Variants in LRSAM1 observed in about 807,000 individuals in gnomAD.
LRSAM1 encodes leucine rich repeat and sterile alpha motif containing 1, also known as E3 ubiquitin-protein ligase LRSAM1.
In LRSAM1, 96 loss-of-function variants were observed where a neutral mutation model predicts 118.1. That is an observed-to-expected ratio of 0.81 (90% CI 0.69 to 0.96). The LOEUF (loss-of-function observed/expected upper bound fraction) is 0.96, where lower values mean the gene tolerates loss of function less well. Ranked by LOEUF, LRSAM1 falls within the 40% of genes least tolerant of loss-of-function variation. The pLI, the probability that LRSAM1 is intolerant of heterozygous loss-of-function variation, is 0.00. For synonymous variants in LRSAM1, 322 were observed against 364.2 expected (o/e 0.88, Z 1.32); for missense variants, 804 against 915.5 (o/e 0.88, Z 1.57).
chr9:127,483,796 A>G (rs1015969089), intron 16 of LRSAM1, among the ~76,000 whole-genome samples: 2 of 152,016 alleles, frequency 1.3e-5, no homozygotes, highest in African/African-American at 4.8e-5. Context: ...CCGAGTAGCT[A>G]GGATCACAGA....
intron 24 of LRSAM1, 88 bp from the exon 25 acceptor site, chr9:127,500,922 A>G: frequency 1.3e-6 from 2 of 1,594,072 alleles, no homozygotes; most frequent in Non-Finnish European, 1.7e-6. Flanking sequence ...CTCACTCACC[A>G]TGGGGATGGG....
chr9:127,498,747 G>A (rs564786472), intron 24 of LRSAM1, among the ~76,000 whole-genome samples: 18 of 152,228 alleles, frequency 1.2e-4, no homozygotes, highest in African/African-American at 3.1e-4. Context: ...CCCAGAAATC[G>A]GTATACTTTA....
chr9:127,461,435 G>T (rs2132011601), intron 8 of LRSAM1, among the ~76,000 whole-genome samples, 178 bp downstream of exon 8: 1 of 152,340 alleles, frequency 6.6e-6, no homozygotes, highest in Non-Finnish European at 1.5e-5. Context: ...CCAGAGACAG[G>T]CTGTCTGGAG....
chr9:127,462,136 C>T (rs1834770321), intron 8 of LRSAM1, 116 bp from the exon 9 acceptor site: 8 of 1,460,884 alleles, frequency 5.5e-6, no homozygotes, highest in Non-Finnish European at 7.5e-6. Context: ...TAGGAAACCT[C>T]AGAGCCCAGG....
At chr9:127,470,127 A>G (rs553891721) in intron 10 of LRSAM1, among the ~76,000 whole-genome samples, 20 of 152,204 alleles carry the variant, frequency 1.3e-4, no homozygotes, top group Admixed American at 3.3e-4. Flanking sequence ...CAAATATCCT[A>G]TGGCCCATGA....
intron 25 of LRSAM1, among the ~76,000 whole-genome samples, chr9:127,501,463 G>A (rs765180364): frequency 2.0e-5 from 3 of 152,162 alleles, no homozygotes; most frequent in Non-Finnish European, 4.4e-5. Context: ...CAGGCATGGT[G>A]GCTCACGCCT....
chr9:127,502,222 G>T (rs1836417851), intron 25 of LRSAM1, among the ~76,000 whole-genome samples: 1 of 152,258 alleles, frequency 6.6e-6, no homozygotes, highest in Non-Finnish European at 1.5e-5. Context: ...GAAAGAATCA[G>T]TTGGGGCATT....
At chr9:127,495,443 G>A (rs1836093067) in intron 22 of LRSAM1, 25 bp downstream of exon 22, 13 of 1,603,830 alleles carry the variant, frequency 8.1e-6, no homozygotes, top group Non-Finnish European at 1.1e-5. Context: ...TGCCTGTCCC[G>A]GCCAGGGAGC....
chr9:127,456,881 GAAAAGGAAAA>G, intron 5 of LRSAM1, among the ~76,000 whole-genome samples: 1 of 150,162 alleles, frequency 6.7e-6, no homozygotes, highest in Middle Eastern at 3.5e-3. Flanking sequence ...AAAAAAAAAA[GAAAAGGAAAA>G]ATAGCAGTAG....
chr9:127,481,460 G>A (rs1483504627), intron 15 of LRSAM1, among the ~76,000 whole-genome samples: 1 of 151,930 alleles, frequency 6.6e-6, no homozygotes, highest in Non-Finnish European at 1.5e-5. Flanking sequence ...GTGTTAACCA[G>A]GATGGTTTCG....
chr9:127,472,350 A>G (rs894723299), intron 10 of LRSAM1, among the ~76,000 whole-genome samples: 2 of 152,072 alleles, frequency 1.3e-5, no homozygotes, highest in Admixed American at 1.3e-4. Context: ...CTTTTAAAAA[A>G]CATTAAAGAG....
chr9:127,501,976 T>C (rs957913287), intron 25 of LRSAM1, among the ~76,000 whole-genome samples: 1 of 152,240 alleles, frequency 6.6e-6, no homozygotes, highest in Admixed American at 6.5e-5. Context: ...CAGACAGCTT[T>C]GAGCGGAGCT....
At chr9:127,497,873 T>C (rs749230931) in intron 24 of LRSAM1, among the ~76,000 whole-genome samples, 1 of 152,246 alleles carries the variant, frequency 6.6e-6, no homozygotes, top group African/African-American at 2.4e-5. Context: ...ATGAACCACG[T>C]TGAGGAACCT....
chr9:127,500,971 A>C, intron 24 of LRSAM1, 39 bp from the exon 25 acceptor site: 1 of 1,613,434 alleles, frequency 6.2e-7, no homozygotes, highest in Non-Finnish European at 8.5e-7. Flanking sequence ...GGGTCAGCGG[A>C]GATGACCCTG....
chr9:127,486,307 G>T, intron 17 of LRSAM1: 1 of 208,836 alleles, frequency 4.8e-6, no homozygotes, highest in South Asian at 7.9e-5. Flanking sequence ...TTGGGGGTGG[G>T]ATGCCCTGGA....
chr9:127,459,218 T>TTG (rs1834644368), intron 7 of LRSAM1, 147 bp downstream of exon 7: 2 of 173,914 alleles, frequency 1.1e-5, no homozygotes, highest in Non-Finnish European at 1.9e-5. Flanking sequence ...CCCTTTGGGG[T>TTG]TTTTTTTTTT....
At position 127,484,809 on chromosome 9, in the gene LRSAM1, T is replaced by C. The variant is rs10987665; in HGVS notation, c.1160-927T>C. ...TTTAATTTTTTGATTTTTCTTTTTT[T>C]CTTTTTTTTTTTTTTTTGAGATAGG... On this transcript the variant is annotated intron_variant, in intron 16 of 25. Transcript: ENST00000300417. Among the ~76,000 whole-genome samples, 457 of 57,260 alleles carry C rather than the reference T, an allele frequency of 8.0e-3. 24 individuals carry two copies. Among genetic ancestry groups the C allele is most frequent in the Middle Eastern group, 0.029 (3 of 102 alleles). 37.6% of individuals were successfully genotyped at this position (57,260 alleles called of 152,430 possible).
chr9:127,471,052 GTGGAGGGGGGTGGC>G (rs1659150359), intron 10 of LRSAM1: 1 of 152,050 alleles, frequency 6.6e-6, no homozygotes, highest in Admixed American at 6.6e-5. Context: ...TTAAAAGAAA[GTGGAGGGGGGTGGC>G]TGCGATCATA....
chr9:127,480,637 A>G (rs947403658), intron 14 of LRSAM1, among the ~76,000 whole-genome samples: 1 of 152,192 alleles, frequency 6.6e-6, no homozygotes, highest in African/African-American at 2.4e-5. Flanking sequence ...CAAGCTTGTT[A>G]CATCTATTTC....
Sources: allele counts gnomAD v4.1 joint callset (sites outside exome capture counted in the v4.1 genomes callset), GRCh38; gene constraint gnomAD v4.1.1; transcripts MANE v1.5; gene names NCBI Gene and HGNC (gene_info 2026-07-23, HGNC 2026-07-21).